AAMDC: variants seen among roughly 807,000 people sequenced by gnomAD.
AAMDC encodes the protein mth938 domain-containing protein.
In AAMDC, 16 loss-of-function variants were observed where a neutral mutation model predicts 15.5. The ratio of observed to expected loss-of-function variants is 1.03; its 90% CI spans 0.70 to 1.57. AAMDC has a LOEUF of 1.57. Among genes scored for constraint, AAMDC ranks in the 40% most tolerant of loss-of-function variants. AAMDC has a pLI of 0.00. For missense variants in AAMDC, 141 were observed against 144.9 expected (o/e 0.97, Z 0.14); for synonymous variants, 51 against 51.6 (o/e 0.99, Z 0.05).
chr11:77,825,168 G>A (rs1253194760), intron 1 of AAMDC, among the ~76,000 whole-genome samples: 3 of 152,004 alleles, frequency 2.0e-5, no homozygotes, highest in Non-Finnish European at 2.9e-5. Context: ...ATTTTTGGTA[G>A]AGACGGGGTT....
intron 2 of AAMDC, among the ~76,000 whole-genome samples, chr11:77,849,493 G>A (rs1031644132): frequency 2.0e-5 from 3 of 152,116 alleles, no homozygotes; most frequent in African/African-American, 7.2e-5. Context: ...CAAAGTGCTG[G>A]GATTATTGGC....
At chr11:77,833,869 A>C (rs538748581) in intron 1 of AAMDC, among the ~76,000 whole-genome samples, 2 of 152,280 alleles carry the variant, frequency 1.3e-5, no homozygotes, top group Admixed American at 1.3e-4. Context: ...TTTTTGAGTA[A>C]TTCTACCTTC....
chr11:77,852,471 A>T (rs1950436960), intron 2 of AAMDC, among the ~76,000 whole-genome samples: 1 of 152,038 alleles, frequency 6.6e-6, no homozygotes, highest in South Asian at 2.1e-4. Context: ...CTTGCTGTTC[A>T]CTATCACCAG....
At chr11:77,878,261 C>T (rs574146873) in intron 5 of AAMDC, among the ~76,000 whole-genome samples, 3 of 151,828 alleles carry the variant, frequency 2.0e-5, no homozygotes, top group Admixed American at 2.0e-4. Flanking sequence ...ACTCAGGAGG[C>T]TGAGGCAGGA....
At chr11:77,879,799 C>T (rs1401478159) in intron 5 of AAMDC, among the ~76,000 whole-genome samples, 1 of 152,136 alleles carries the variant, frequency 6.6e-6, no homozygotes, top group Non-Finnish European at 1.5e-5. Flanking sequence ...ACAACACACG[C>T]TCTAACCAAG....
downstream of AAMDC, among the ~76,000 whole-genome samples, chr11:77,905,365 G>A (rs1169970129): frequency 6.6e-6 from 1 of 151,840 alleles, no homozygotes; most frequent in Admixed American, 6.6e-5. Flanking sequence ...ACTGAGACAG[G>A]AGAATTGCTT....
At chr11:77,891,270 C>A in intron 5 of AAMDC, 1 of 1,581,954 alleles carries the variant, frequency 6.3e-7, no homozygotes, top group Admixed American at 1.7e-5. Flanking sequence ...TTAAATACTT[C>A]AACACAATGT....
downstream of AAMDC, among the ~76,000 whole-genome samples, chr11:77,904,282 C>T (rs1952872362): frequency 6.6e-6 from 1 of 152,154 alleles, no homozygotes; most frequent in South Asian, 2.1e-4. Context: ...AAAACCTAGA[C>T]TAACACTGTC....
chr11:77,842,362 C>T (rs887113756), intron 1 of AAMDC, 117 bp from the exon 2 acceptor site: 29 of 983,956 alleles, frequency 2.9e-5, no homozygotes, highest in East Asian at 7.6e-5. Flanking sequence ...GTAACAACCA[C>T]GTAAATGAAA....
chr11:77,838,896 G>T (rs529951014), intron 1 of AAMDC, among the ~76,000 whole-genome samples: 1 of 152,098 alleles, frequency 6.6e-6, no homozygotes, highest in African/African-American at 2.4e-5. Context: ...GATTACAGGC[G>T]TGAGCCACCG....
At chr11:77,823,077 GGTGGCGGCGGGCCCCTGTAGACAGCTACT>G (rs1380587930) in intron 1 of AAMDC, among the ~76,000 whole-genome samples, 1 of 151,956 alleles carries the variant, frequency 6.6e-6, no homozygotes, top group African/African-American at 2.4e-5. Flanking sequence ...AGCCGGGCGT[GGTGGCGGCGGGCCCCTGTAGACAGCTACT>G]CGGGAGGCTG....
At chr11:77,876,159 G>A (rs143782004), downstream of AAMDC, among the ~76,000 whole-genome samples, 950 of 152,256 alleles carry the variant, frequency 6.2e-3, 3 homozygotes, top group Non-Finnish European at 9.8e-3. Context: ...TTTTGTATGA[G>A]GGATGAGGAA....
intron 1 of AAMDC, among the ~76,000 whole-genome samples, chr11:77,836,185 CAT>C (rs1325786765): frequency 6.6e-6 from 1 of 150,794 alleles, no homozygotes; most frequent in Non-Finnish European, 1.5e-5. Flanking sequence ...TTTCCTCAAA[CAT>C]ATTTATTTAA....
intron 1 of AAMDC, among the ~76,000 whole-genome samples, chr11:77,835,086 G>T (rs1290241099): frequency 6.6e-6 from 1 of 152,128 alleles, no homozygotes; most frequent in Non-Finnish European, 1.5e-5. Context: ...CTACTTTTAA[G>T]CTGGGCACAT....
intron 1 of AAMDC, among the ~76,000 whole-genome samples, chr11:77,835,599 G>C (rs1171116251): frequency 6.6e-6 from 1 of 152,104 alleles, no homozygotes; most frequent in Non-Finnish European, 1.5e-5. Context: ...ATTTTCCTAT[G>C]CATTTCCTTA....
chr11:77,832,991 GTGTGTGTATA>G (rs1394767335), intron 1 of AAMDC, among the ~76,000 whole-genome samples: 1 of 32,866 alleles, frequency 3.0e-5, no homozygotes, highest in African/African-American at 2.0e-4. Context: ...GTGTGTGTGT[GTGTGTGTATA>G]TATATATATT....
At chr11:77,887,800 C>G (rs1391736433) in intron 5 of AAMDC, among the ~76,000 whole-genome samples, 2 of 152,214 alleles carry the variant, frequency 1.3e-5, no homozygotes, top group Non-Finnish European at 2.9e-5. Flanking sequence ...AGAGCCAAAT[C>G]ATGAGTGAAC....
At chr11:77,899,192 T>C (rs139860509) in intron 5 of AAMDC, among the ~76,000 whole-genome samples, 2,003 of 152,108 alleles carry the variant, frequency 0.013, 59 homozygotes, top group African/African-American at 0.047. Context: ...AGTTTGCAAA[T>C]GGTAAAGTCA....
chr11:77,855,117 G>A (rs536649156), intron 2 of AAMDC, among the ~76,000 whole-genome samples: 2 of 152,308 alleles, frequency 1.3e-5, no homozygotes, highest in East Asian at 3.9e-4. Flanking sequence ...AGGCTGCACA[G>A]AGCAGTGAGG....
Sources: allele counts gnomAD v4.1 joint callset (sites outside exome capture counted in the v4.1 genomes callset), GRCh38; gene constraint gnomAD v4.1.1; transcripts MANE v1.5; gene names NCBI Gene and HGNC (gene_info 2026-07-23, HGNC 2026-07-21).